Variants in SYNPO2 observed in about 807,000 individuals in gnomAD.
The protein encoded by SYNPO2 is synaptopodin-2.
SYNPO2 carries 56 observed loss-of-function variants against 85.0 expected under a neutral mutation model. The ratio of observed to expected loss-of-function variants is 0.66; its 90% CI spans 0.53 to 0.82. The LOEUF (loss-of-function observed/expected upper bound fraction) is 0.82. Ranked by LOEUF, SYNPO2 falls within the 40% of genes least tolerant of loss-of-function variation. The pLI, the probability that SYNPO2 is intolerant of heterozygous loss-of-function variation, is 0.00. For missense variants in SYNPO2, 1,575 were observed against 1,534.2 expected, an observed-to-expected ratio of 1.03 and a Z score of -0.44; for synonymous variants, 602 against 591.1, an observed-to-expected ratio of 1.02 and a Z score of -0.27.
chr4:118,935,452 G>C (rs1734068898), intron 1 of SYNPO2, among the ~76,000 whole-genome samples: 1 of 152,192 alleles, frequency 6.6e-6, no homozygotes, highest in Non-Finnish European at 1.5e-5. Context: ...TAAATTATCA[G>C]TATTTAAATC....
intron 1 of SYNPO2, among the ~76,000 whole-genome samples, chr4:118,997,622 A>C (rs1487277012): frequency 6.6e-6 from 1 of 152,226 alleles, no homozygotes; most frequent in Non-Finnish European, 1.5e-5. Context: ...GTGAGTTGAA[A>C]GATTCAATAG....
chr4:118,988,327 T>C (rs1736292849), intron 1 of SYNPO2, among the ~76,000 whole-genome samples: 1 of 151,728 alleles, frequency 6.6e-6, no homozygotes. Flanking sequence ...TTTTTTTTCC[T>C]GGGGATGGGA....
intron 1 of SYNPO2, among the ~76,000 whole-genome samples, chr4:118,864,300 G>C (rs1044868999): frequency 6.6e-6 from 1 of 152,102 alleles, no homozygotes; most frequent in Non-Finnish European, 1.5e-5. Flanking sequence ...TTCCATTGTG[G>C]TCGGAGAAGA....
At chr4:118,891,370 G>A (rs557969577) in intron 1 of SYNPO2, among the ~76,000 whole-genome samples, 1 of 152,262 alleles carries the variant, frequency 6.6e-6, no homozygotes, top group African/African-American at 2.4e-5. Context: ...ACAGACTGTA[G>A]TCTACAGTCT....
intron 1 of SYNPO2, among the ~76,000 whole-genome samples, chr4:118,924,407 G>A (rs1366049972): frequency 6.6e-6 from 1 of 152,152 alleles, no homozygotes; most frequent in Non-Finnish European, 1.5e-5. Flanking sequence ...AGAATTATGA[G>A]CATTCTGAGT....
rs114328455 is a variant in SYNPO2, at chr4:118,868,643, A to C, written c.12+17703A>C. On this transcript the variant is annotated intron_variant, in intron 1 of 4. Transcript: ENST00000610556. The stretch of plus-strand genomic sequence containing the variant: ...CAACATGAAAAAGGAATAAAAAGAT[A>C]GTAATAGGAAGAGTGTAACTAGAAA... Among the ~76,000 whole-genome samples the C allele has an allele frequency of 4.9e-3, 753 of 152,342 alleles. 7 individuals carry two copies. Among genetic ancestry groups the C allele is most frequent in the African/African-American group, 0.017 (720 of 41,578 alleles).
chr4:118,991,914 C>T (rs116052248), intron 1 of SYNPO2, among the ~76,000 whole-genome samples: 2,452 of 152,156 alleles, frequency 0.016, 62 homozygotes, highest in African/African-American at 0.056. Flanking sequence ...TAGAATAAAA[C>T]GGGGAGAGGA....
chr4:119,036,558 A>G, intron 4 of SYNPO2: 4 of 985,470 alleles, frequency 4.1e-6, no homozygotes, highest in South Asian at 4.7e-5. Flanking sequence ...GGATCCAGAC[A>G]CCAGGCAAAA....
rs1437198001 is a variant in SYNPO2 at position 118,930,293 on chromosome 4, A to G, written c.105+41152A>G. Among the ~76,000 whole-genome samples the G allele has an allele frequency of 2.6e-5, 4 of 152,318 alleles. No individual in the cohort carries two copies. In the East Asian group the frequency reaches 7.7e-4, roughly 29 times the overall value. ...AAAAGATCACACAGTTAGAATTTTA[A>G]CATAAATTTGATTCTGACTTTTTGT... On this transcript the variant is annotated intron_variant, in intron 1 of 4. Transcript: ENST00000307142.
chr4:118,919,266 T>G (rs986613754), intron 1 of SYNPO2, among the ~76,000 whole-genome samples: 13 of 144,228 alleles, frequency 9.0e-5, no homozygotes, highest in Non-Finnish European at 1.8e-4. Flanking sequence ...TGAGCCTCCC[T>G]GTCTCTCAAG....
chr4:119,033,550 G>GA, intron 4 of SYNPO2: 1 of 985,400 alleles, frequency 1.0e-6, no homozygotes, highest in Non-Finnish European at 1.2e-6. Context: ...ACAGCTCCAA[G>GA]AAAAATCATC....
At chr4:119,022,575 C>CAAACTGCTG (rs1230785150) in intron 1 of SYNPO2, among the ~76,000 whole-genome samples, 97 of 131,150 alleles carry the variant, frequency 7.4e-4, no homozygotes, top group African/African-American at 2.5e-3. Context: ...GGGCTGGTCT[C>CAAACTGCTG]AAACTGCTGA....
chr4:119,012,393 T>TTAA (rs1553946399), intron 1 of SYNPO2, among the ~76,000 whole-genome samples: 4 of 130,822 alleles, frequency 3.1e-5, no homozygotes, highest in Admixed American at 1.6e-4. Context: ...TTTTTTTTTT[T>TTAA]ATTTTACTTT....
chr4:119,031,018 GCTC>G lies in SYNPO2; in HGVS notation c.2247_2249del (p.Ser750del), dbSNP rs746022678. The G allele has an allele frequency of 1.9e-6, 3 of 1,614,060 alleles. No individual in the cohort carries two copies. The South Asian group carries it at 3.3e-5, about 18-fold the overall frequency. On this transcript the variant is annotated inframe_deletion, in exon 4 of 5. Transcript: ENST00000307142. ...GCAGAGGCTTGTAATTTCATGCAAAGCTCCTCTGCCAAACAAAAGACCCCTCCT... is the reference window on the plus strand; with the variant it reads ...GCAGAGGCTTGTAATTTCATGCAAAGCTCTGCCAAACAAAAGACCCCTCCT...
At chr4:118,976,623 G>C (rs573049278) in intron 1 of SYNPO2, among the ~76,000 whole-genome samples, 40 of 150,704 alleles carry the variant, frequency 2.7e-4, no homozygotes, top group Middle Eastern at 3.4e-3. Flanking sequence ...GGTTCTCCAC[G>C]TCCCCATCAG....
chr4:119,050,735 T>A (rs1305521968), intron 4 of SYNPO2, among the ~76,000 whole-genome samples: 1 of 152,186 alleles, frequency 6.6e-6, no homozygotes, highest in Non-Finnish European at 1.5e-5. Context: ...GCATGCATTA[T>A]ATTGGGCCAG....
At chr4:119,002,504 C>T (rs1844643) in intron 1 of SYNPO2, among the ~76,000 whole-genome samples, 106,269 of 151,946 alleles carry the variant, frequency 0.7, 37,633 homozygotes, top group South Asian at 0.89. Flanking sequence ...TGTGATCCAC[C>T]GGCCTCGGCC....
intron 1 of SYNPO2, among the ~76,000 whole-genome samples, chr4:118,976,406 G>A (rs961126070): frequency 1.3e-5 from 2 of 152,192 alleles, no homozygotes; most frequent in African/African-American, 2.4e-5. Context: ...CAAAGAGTGA[G>A]CAGTAGCAAG....
At chr4:118,915,568 G>A (rs1393424381) in intron 1 of SYNPO2, among the ~76,000 whole-genome samples, 2 of 151,938 alleles carry the variant, frequency 1.3e-5, no homozygotes, top group South Asian at 2.1e-4. Context: ...TGAGTATCCC[G>A]CAGTTCACTC....
Sources: gnomAD v4.1 joint callset for allele counts (sites outside exome capture counted in the v4.1 genomes callset) on GRCh38, gnomAD v4.1.1 for gene constraint, MANE v1.5 for transcripts, NCBI Gene and HGNC (gene_info 2026-07-23, HGNC 2026-07-21) for gene names.